Variants in ITPK1 observed in about 807,000 individuals in gnomAD.
ITPK1 encodes the protein inositol 1,3,4-trisphosphate 5/6-kinase.
ITPK1 carries 21 observed loss-of-function variants against 45.3 expected under a neutral mutation model. That is an observed-to-expected ratio of 0.46 (90% CI 0.33 to 0.67). The LOEUF (loss-of-function observed/expected upper bound fraction) is 0.67. ITPK1 is among the 30% of genes least tolerant of loss of function. ITPK1 has a pLI of 0.02. For missense variants in ITPK1, 474 were observed against 573.5 expected, an observed-to-expected ratio of 0.83 and a Z score of 1.77; for synonymous variants, 258 against 253.6, an observed-to-expected ratio of 1.02 and a Z score of -0.16.
chr14:92,977,136 A>G (rs1441992367), intron 5 of ITPK1, among the ~76,000 whole-genome samples: 1 of 152,256 alleles, frequency 6.6e-6, no homozygotes, highest in African/African-American at 2.4e-5. Context: ...GTTAACACAC[A>G]AAGCACTTAA....
At chr14:93,097,247 A>T (rs1892115919) in intron 2 of ITPK1, among the ~76,000 whole-genome samples, 1 of 152,226 alleles carries the variant, frequency 6.6e-6, no homozygotes, top group South Asian at 2.1e-4. Context: ...ACCTCCGCCA[A>T]GGGGTAAAGT....
rs745390805 is a variant in ITPK1 at position 93,070,704 on chromosome 14, T to C, written c.120+5891A>G. ...GTGAGGGCCCTCCTCTGTGCCTGTC[T>C]GGTGTCCCTGCCTACCTTGGCCACT... On this transcript the variant is annotated intron_variant, in intron 3 of 10. Coordinates refer to ENST00000267615, the MANE Select transcript of ITPK1 (RefSeq NM_014216.6). The C allele has an allele frequency of 2.0e-5, 3 of 152,370 alleles. No homozygotes were observed. In the East Asian group the frequency reaches 5.8e-4, roughly 29 times the overall value. The allele number at this position is 152,370 out of a possible 1,614,324, so 9.4% of individuals were successfully genotyped here. A position where few individuals can be genotyped will look rare whatever the true frequency, so the allele number is the denominator to read the frequency against.
chr14:93,051,148 C>T (rs778236100), intron 3 of ITPK1, among the ~76,000 whole-genome samples: 5 of 152,128 alleles, frequency 3.3e-5, no homozygotes, highest in African/African-American at 7.2e-5. Flanking sequence ...ACAGTCATCA[C>T]GCACCTGGCA....
intron 3 of ITPK1, among the ~76,000 whole-genome samples, chr14:93,038,566 C>T (rs529956343): frequency 6.6e-6 from 1 of 151,978 alleles, no homozygotes; most frequent in Non-Finnish European, 1.5e-5. Flanking sequence ...CTCACTTTGT[C>T]GCCCAGGCTG....
intron 5 of ITPK1, among the ~76,000 whole-genome samples, chr14:92,972,286 G>A (rs1885700783): frequency 6.6e-6 from 1 of 152,192 alleles, no homozygotes; most frequent in Admixed American, 6.5e-5. Flanking sequence ...GGACTGCACT[G>A]GGAGATAGGG....
chr14:93,095,064 G>A (rs1892018143), intron 2 of ITPK1, among the ~76,000 whole-genome samples: 1 of 152,188 alleles, frequency 6.6e-6, no homozygotes, highest in Non-Finnish European at 1.5e-5. Context: ...CTCGAGCAGA[G>A]TTCATCTAAC....
chr14:93,055,932 G>A (rs543278494), intron 3 of ITPK1, among the ~76,000 whole-genome samples: 1 of 152,302 alleles, frequency 6.6e-6, no homozygotes, highest in East Asian at 1.9e-4. Flanking sequence ...GGAGCAGCCG[G>A]GGCACCCAGT....
At chr14:92,992,099 T>C (rs1333343897) in intron 5 of ITPK1, among the ~76,000 whole-genome samples, 1 of 152,190 alleles carries the variant, frequency 6.6e-6, no homozygotes, top group Admixed American at 6.5e-5. Context: ...AAAAGGCCCT[T>C]CAGCGGCACC....
chr14:93,091,047 G>C (rs1010628337), intron 2 of ITPK1, among the ~76,000 whole-genome samples: 1 of 152,240 alleles, frequency 6.6e-6, no homozygotes, highest in Non-Finnish European at 1.5e-5. Context: ...CTCTCCCAGG[G>C]AGATGGCTCA....
intron 5 of ITPK1, among the ~76,000 whole-genome samples, chr14:92,988,696 A>G (rs1877296943): frequency 6.6e-6 from 1 of 152,184 alleles, no homozygotes; most frequent in Non-Finnish European, 1.5e-5. Context: ...ACTGGCTAAG[A>G]GCAGACCCAC....
At chr14:93,028,797 A>G (rs1888883173) in intron 3 of ITPK1, among the ~76,000 whole-genome samples, 1 of 152,182 alleles carries the variant, frequency 6.6e-6, no homozygotes, top group African/African-American at 2.4e-5. Context: ...GGCATTTCTA[A>G]GCCTCAGCGT....
chr14:92,960,103 C>G (rs912332250), intron 7 of ITPK1, among the ~76,000 whole-genome samples: 16 of 152,232 alleles, frequency 1.1e-4, no homozygotes, highest in African/African-American at 3.9e-4. Context: ...CCCGTCTGCA[C>G]AGAGAGTCCG....
intron 9 of ITPK1, among the ~76,000 whole-genome samples, chr14:92,949,627 C>T (rs891963449): frequency 6.6e-6 from 1 of 152,254 alleles, no homozygotes. Flanking sequence ...AAAAACATCT[C>T]GCTGTGAGAT....
rs2139681222 is a variant in ITPK1 at position 92,937,604 on chromosome 14, C to G, written c.*3957G>C. ...AGCAGTGCGGGAGGCTCACTCACTC[C>G]AAACCACACTGACAATGGCTGTGCA... On this transcript the variant is annotated 3_prime_UTR_variant, in exon 11 of 11. Transcript: ENST00000267615. 1 of 152,508 alleles carries G rather than the reference C, an allele frequency of 6.6e-6. No homozygotes were observed. Among genetic ancestry groups the G allele is most frequent in the Non-Finnish European group, 1.5e-5 (1 of 68,136 alleles). 9.4% of individuals were successfully genotyped at this position (152,508 alleles called of 1,614,324 possible).
rs116447135 is a variant in ITPK1 at position 92,955,041 on chromosome 14, G to A, written c.671-3028C>T. On this transcript the variant is annotated intron_variant, in intron 8 of 10. Coordinates refer to ENST00000267615, the MANE Select transcript of ITPK1 (RefSeq NM_014216.6). ...CTGGGTGCCTGCCTAGTCCCTGACT[G>A]GATCCCCAGCAGCTCACGCAGGGCT... Among the ~76,000 whole-genome samples the A allele has an allele frequency of 6.3e-3, 964 of 152,294 alleles. 12 individuals carry two copies. Among genetic ancestry groups the A allele is most frequent in the African/African-American group, 0.022 (913 of 41,538 alleles).
At chr14:93,035,339 A>G (rs556113264) in intron 3 of ITPK1, among the ~76,000 whole-genome samples, 25 of 152,348 alleles carry the variant, frequency 1.6e-4, no homozygotes, top group African/African-American at 6.0e-4. Flanking sequence ...CAGTGAGCAC[A>G]CAAAGGCAGG....
intron 5 of ITPK1, among the ~76,000 whole-genome samples, chr14:92,981,704 C>T (rs976194718): frequency 3.3e-5 from 5 of 152,240 alleles, no homozygotes; most frequent in East Asian, 3.8e-4. Context: ...AAGACACACT[C>T]GCCCCTGTCC....
intron 3 of ITPK1, among the ~76,000 whole-genome samples, chr14:93,035,605 G>C (rs562976844): frequency 1.1e-4 from 17 of 152,200 alleles, no homozygotes; most frequent in Admixed American, 1.0e-3. Context: ...AGGGAGGGAG[G>C]GAGGGGGCTC....
At chr14:92,966,295 A>G (rs1479028588) in intron 5 of ITPK1, among the ~76,000 whole-genome samples, 3 of 152,198 alleles carry the variant, frequency 2.0e-5, no homozygotes, top group Admixed American at 6.5e-5. Context: ...CCTGGCCTCA[A>G]CTGTATTTCT....
Sources: allele counts gnomAD v4.1 joint callset (sites outside exome capture counted in the v4.1 genomes callset), GRCh38; gene constraint gnomAD v4.1.1; transcripts MANE v1.5; gene names NCBI Gene and HGNC (gene_info 2026-07-23, HGNC 2026-07-21).